Variants in CFAP54 observed in about 807,000 individuals in gnomAD.
CFAP54 encodes cilia and flagella associated protein 54, also known as cilia- and flagella-associated protein 54.
Under a neutral mutation model 370.4 loss-of-function variants are expected in CFAP54, and 290 were observed. The observed-to-expected ratio is 0.78, with a 90% CI of 0.71 to 0.86. CFAP54 has a LOEUF of 0.86. Ranked by LOEUF, CFAP54 falls within the 40% of genes least tolerant of loss-of-function variation. CFAP54 has a pLI of 0.00. For synonymous variants in CFAP54, 1,206 were observed against 1,236.5 expected (o/e 0.98, Z 0.52); for missense variants, 3,399 against 3,528.7 (o/e 0.96, Z 0.93).
intron 26 of CFAP54, among the ~76,000 whole-genome samples, chr12:96,619,673 T>G (rs543605639): frequency 3.3e-5 from 5 of 152,330 alleles, no homozygotes; most frequent in African/African-American, 1.2e-4. Flanking sequence ...TCTACTAGCA[T>G]ATTAAAAGAA....
Position 96,617,499 on chromosome 12 carries a change from A to G in CFAP54, c.3640-4091A>G, listed in dbSNP as rs576910643. 1.6e-4 allele frequency among the ~76,000 whole-genome samples: 25 copies of G among 152,350 alleles called. No homozygotes were observed. In the East Asian group the frequency reaches 4.4e-3, roughly 27 times the overall value. On this transcript the variant is annotated intron_variant, in intron 26 of 67. Transcript: ENST00000524981. ...TTGATTAGTCTAAAGCTATTCTGTC[A>G]TTCCTAATCCCTCCCAACCTCAAGA...
At chr12:96,682,667 C>G (rs748789148) in intron 40 of CFAP54, among the ~76,000 whole-genome samples, 20 of 152,168 alleles carry the variant, frequency 1.3e-4, no homozygotes, top group Non-Finnish European at 2.2e-4. Context: ...GCCACTGTAC[C>G]CGGCTATGTC....
At chr12:96,771,556 G>C (rs900820648) in intron 60 of CFAP54, among the ~76,000 whole-genome samples, 4 of 152,214 alleles carry the variant, frequency 2.6e-5, no homozygotes, top group Admixed American at 6.5e-5. Context: ...GGAGGCTGAG[G>C]CAGGAGAATG....
intron 17 of CFAP54, among the ~76,000 whole-genome samples, chr12:96,562,369 A>G (rs1193497194): frequency 7.3e-6 from 1 of 136,406 alleles, no homozygotes; most frequent in African/African-American, 2.7e-5. Context: ...CTTGAATTCT[A>G]TTTTTAATTT....
At chr12:96,516,602 A>G (rs1048583253) in intron 5 of CFAP54, among the ~76,000 whole-genome samples, 3 of 152,134 alleles carry the variant, frequency 2.0e-5, no homozygotes, top group Non-Finnish European at 4.4e-5. Flanking sequence ...AAGACATATG[A>G]CCATTTTGCT....
rs534252400 is a variant in CFAP54, at chr12:96,776,876, T to C, written c.8282-7841T>C. ...TCTTCTAAACATGTATACATTTTAT[T>C]GGACAATATAAAAAATGTTAAAATA... On this transcript the variant is annotated intron_variant, in intron 60 of 67. Transcript: ENST00000524981. Among the ~76,000 whole-genome samples the C allele has an allele frequency of 1.1e-4, 16 of 152,362 alleles. No homozygotes were observed. The South Asian group carries it at 3.3e-3, about 32-fold the overall frequency.
chr12:96,676,937 G>T (rs1419904504), intron 39 of CFAP54, among the ~76,000 whole-genome samples: 1 of 152,132 alleles, frequency 6.6e-6, no homozygotes, highest in Non-Finnish European at 1.5e-5. Flanking sequence ...GCCCTCACCA[G>T]AATCTACCAT....
chr12:96,728,965 A>G (rs1957880257), intron 50 of CFAP54, among the ~76,000 whole-genome samples: 4 of 152,192 alleles, frequency 2.6e-5, no homozygotes. Flanking sequence ...TTGCCTGGGT[A>G]TCAGCAGCGG....
chr12:96,701,848 T>C (rs1168650039), intron 46 of CFAP54, among the ~76,000 whole-genome samples: 1 of 152,054 alleles, frequency 6.6e-6, no homozygotes, highest in Non-Finnish European at 1.5e-5. Flanking sequence ...ACTGGAATTT[T>C]CTCTAAATAA....
chr12:96,834,995 G>A (rs761998952), intron 66 of CFAP54, among the ~76,000 whole-genome samples: 125 of 152,136 alleles, frequency 8.2e-4, no homozygotes, highest in Non-Finnish European at 1.3e-3. Flanking sequence ...AGGAGACCCT[G>A]GAGTGGGAAG....
chr12:96,630,285 C>A, intron 31 of CFAP54, 81 bp downstream of exon 31: 1 of 709,458 alleles, frequency 1.4e-6, no homozygotes, highest in Non-Finnish European at 2.2e-6. Context: ...TACATTTAAA[C>A]TCATTATAAT....
At chr12:96,588,388 A>C (rs1262206500) in intron 22 of CFAP54, among the ~76,000 whole-genome samples, 2 of 152,042 alleles carry the variant, frequency 1.3e-5, no homozygotes, top group Non-Finnish European at 2.9e-5. Context: ...CTCTGCAATT[A>C]TTATGTTATT....
At chr12:96,691,093 A>G (rs776380689) in intron 43 of CFAP54, 35 bp from the exon 44 acceptor site, 4 of 1,587,994 alleles carry the variant, frequency 2.5e-6, no homozygotes, top group Admixed American at 3.4e-5. Flanking sequence ...AATGCTATCT[A>G]TAGCTCTTTA....
intron 2 of CFAP54, among the ~76,000 whole-genome samples, chr12:96,503,386 C>T (rs1457647831): frequency 7.0e-6 from 1 of 141,978 alleles, no homozygotes; most frequent in Non-Finnish European, 1.5e-5. Context: ...CTCCTTCCTT[C>T]CTTTCCCTTC....
chr12:96,865,999 G>GT (rs142883074), intron 67 of CFAP54, among the ~76,000 whole-genome samples: 7,953 of 151,988 alleles, frequency 0.052, 502 homozygotes, highest in African/African-American at 0.16. Flanking sequence ...CCTATCCATT[G>GT]TAAGTTCCTC....
chr12:96,584,597 A>C (rs1395419995), intron 22 of CFAP54, among the ~76,000 whole-genome samples: 1 of 151,942 alleles, frequency 6.6e-6, no homozygotes, highest in African/African-American at 2.4e-5. Context: ...ATCTTGTGCC[A>C]AGTTATATGC....
intron 50 of CFAP54, among the ~76,000 whole-genome samples, chr12:96,729,412 T>C (rs1229850063): frequency 6.6e-6 from 1 of 152,242 alleles, no homozygotes; most frequent in African/African-American, 2.4e-5. Context: ...GCCTCGCTTC[T>C]GCCTTGCAGT....
chr12:96,735,148 C>T (rs1200514213), intron 50 of CFAP54, among the ~76,000 whole-genome samples: 1 of 152,126 alleles, frequency 6.6e-6, no homozygotes, highest in Non-Finnish European at 1.5e-5. Flanking sequence ...ACCAACTTCC[C>T]ATTGAAAGAC....
chr12:96,811,431 T>A (rs527700911), intron 63 of CFAP54, among the ~76,000 whole-genome samples: 18 of 152,344 alleles, frequency 1.2e-4, no homozygotes, highest in African/African-American at 4.3e-4. Context: ...TTACCAGGTG[T>A]ATGCTTAATA....
Sources: allele counts gnomAD v4.1 joint callset (sites outside exome capture counted in the v4.1 genomes callset), GRCh38; gene constraint gnomAD v4.1.1; transcripts MANE v1.5; gene names NCBI Gene and HGNC (gene_info 2026-07-23, HGNC 2026-07-21).